The following RBFOX1 variants were observed in gnomAD, a reference collection of about 807,000 sequenced individuals.
The protein encoded by RBFOX1 is RNA binding protein fox-1 homolog 1.
A neutral mutation model predicts 57.7 loss-of-function variants in RBFOX1; 8 were observed. That is an observed-to-expected ratio of 0.14 (90% confidence interval 0.08 to 0.25). The LOEUF (loss-of-function observed/expected upper bound fraction) is 0.25, where lower values mean the gene tolerates loss of function less well. Ranked by LOEUF, RBFOX1 falls within the 10% of genes least tolerant of loss-of-function variation. The pLI is 1.00. For missense variants in RBFOX1, 611 were observed against 548.5 expected, an observed-to-expected ratio of 1.11 and a Z score of -1.14; for synonymous variants, 326 against 222.4, an observed-to-expected ratio of 1.47 and a Z score of -4.15.
intron 2 of RBFOX1, among the ~76,000 whole-genome samples, chr16:6,626,787 G>C (rs1012525024): frequency 1.3e-5 from 2 of 151,616 alleles, no homozygotes; most frequent in African/African-American, 4.8e-5. Flanking sequence ...AAATAAAATA[G>C]AAATAAAATA....
At chr16:6,296,924 A>G (rs932122235) in intron 1 of RBFOX1, among the ~76,000 whole-genome samples, 2 of 152,232 alleles carry the variant, frequency 1.3e-5, no homozygotes, top group East Asian at 1.9e-4. Flanking sequence ...TTAGGAAATT[A>G]AAGGAATAAA....
At chr16:6,188,723 A>G (rs2097123483) in intron 1 of RBFOX1, among the ~76,000 whole-genome samples, 1 of 152,210 alleles carries the variant, frequency 6.6e-6, no homozygotes, top group South Asian at 2.1e-4. Context: ...TGGAGGCGAA[A>G]AAATGGAACA....
At chr16:5,771,741 A>C (rs2053984971) in intron 3 of RBFOX1, among the ~76,000 whole-genome samples, 1 of 152,194 alleles carries the variant, frequency 6.6e-6, no homozygotes, top group African/African-American at 2.4e-5. Flanking sequence ...AGGCATGTGA[A>C]AATGTCCAAT....
At chr16:6,607,642 C>A (rs780762938) in intron 2 of RBFOX1, among the ~76,000 whole-genome samples, 30 of 151,940 alleles carry the variant, frequency 2.0e-4, no homozygotes, top group Non-Finnish European at 3.8e-4. Context: ...TATCTCTCCT[C>A]TCTCTTTCTG....
At chr16:6,502,418 A>T (rs533475731) in intron 2 of RBFOX1, among the ~76,000 whole-genome samples, 1 of 152,300 alleles carries the variant, frequency 6.6e-6, no homozygotes, top group South Asian at 2.1e-4. Context: ...CCATCACTAA[A>T]GACCTTGGGC....
chr16:6,763,472 C>G (rs544390317), intron 3 of RBFOX1, among the ~76,000 whole-genome samples: 1 of 152,170 alleles, frequency 6.6e-6, no homozygotes, highest in African/African-American at 2.4e-5. Context: ...ATTTCACAAG[C>G]GTAATGGCAG....
intron 3 of RBFOX1, among the ~76,000 whole-genome samples, chr16:5,858,187 G>A (rs184707912): frequency 6.6e-6 from 1 of 152,102 alleles, no homozygotes; most frequent in African/African-American, 2.4e-5. Flanking sequence ...GGGCTCTTTA[G>A]AAGGAAACTT....
chr16:6,674,961 A>AAG (rs2057368450), intron 3 of RBFOX1, among the ~76,000 whole-genome samples: 1 of 152,012 alleles, frequency 6.6e-6, no homozygotes, highest in South Asian at 2.1e-4. Flanking sequence ...GCTGGAGTGC[A>AAG]GTGGCATGAT....
rs879750583 is a variant in RBFOX1, at chr16:7,510,520, C to G, written c.28-7627C>G. Among the ~76,000 whole-genome samples the G allele has an allele frequency of 8.8e-3, 1,203 of 136,904 alleles. 10 individuals are homozygous for G. Among genetic ancestry groups the G allele is most frequent in the East Asian group, 0.045 (217 of 4,866 alleles). The allele number at this position is 136,904 out of a possible 152,430, so 89.8% of individuals were successfully genotyped here. ...GTGTGTGTGTGTGTGTGGGCGCGCG[C>G]GCACGCGCGCACGCGCGCTTTCTGC... On this transcript the variant is annotated intron_variant, in intron 4 of 15. Transcript: ENST00000550418.
At chr16:5,332,337 G>A (rs1307660798) in intron 1 of RBFOX1, among the ~76,000 whole-genome samples, 2 of 151,906 alleles carry the variant, frequency 1.3e-5, no homozygotes, top group East Asian at 1.9e-4. Flanking sequence ...GTGTGATCTC[G>A]ACTCATTGCA....
chr16:6,853,265 A>C (rs1180635745), intron 3 of RBFOX1, among the ~76,000 whole-genome samples: 1 of 152,132 alleles, frequency 6.6e-6, no homozygotes, highest in Non-Finnish European at 1.5e-5. Flanking sequence ...TGCCATATAA[A>C]TGTTGGCTGT....
At chr16:5,468,271 C>T (rs575166207) in intron 2 of RBFOX1, among the ~76,000 whole-genome samples, 1 of 152,184 alleles carries the variant, frequency 6.6e-6, no homozygotes, top group Non-Finnish European at 1.5e-5. Flanking sequence ...GTTGGGCAAT[C>T]ACTACCTCTC....
intron 4 of RBFOX1, among the ~76,000 whole-genome samples, chr16:7,498,544 A>T (rs1347991779): frequency 1.3e-5 from 2 of 152,232 alleles, no homozygotes; most frequent in African/African-American, 4.8e-5. Context: ...CCCAATATAT[A>T]ACCAAGCATA....
chr16:5,611,898 G>A (rs953032393), intron 3 of RBFOX1, among the ~76,000 whole-genome samples: 7 of 150,350 alleles, frequency 4.7e-5, no homozygotes, highest in Non-Finnish European at 8.8e-5. Context: ...AAGGCCAAGG[G>A]AGGAGGATCA....
At chr16:6,161,844 T>G (rs2096881730) in intron 1 of RBFOX1, among the ~76,000 whole-genome samples, 1 of 152,206 alleles carries the variant, frequency 6.6e-6, no homozygotes, top group Non-Finnish European at 1.5e-5. Flanking sequence ...TCTAGCCAGC[T>G]CCCTAATCAC....
At chr16:6,252,352 C>G (rs1198812213) in intron 1 of RBFOX1, among the ~76,000 whole-genome samples, 1 of 152,066 alleles carries the variant, frequency 6.6e-6, no homozygotes, top group African/African-American at 2.4e-5. Flanking sequence ...GAACCTGCAT[C>G]AGACCTTAGG....
chr16:7,242,272 C>T (rs534358035), intron 4 of RBFOX1, among the ~76,000 whole-genome samples: 12 of 152,190 alleles, frequency 7.9e-5, no homozygotes, highest in Admixed American at 5.9e-4. Flanking sequence ...GACAGGGTTG[C>T]ATGTAAATGT....
chr16:5,400,514 G>A (rs1265342241), intron 1 of RBFOX1, among the ~76,000 whole-genome samples: 2 of 152,014 alleles, frequency 1.3e-5, no homozygotes, highest in Non-Finnish European at 2.9e-5. Context: ...ATCATACCAT[G>A]TATCATTTCT....
intron 4 of RBFOX1, among the ~76,000 whole-genome samples, chr16:7,124,221 C>T (rs548057192): frequency 6.6e-6 from 1 of 152,150 alleles, no homozygotes; most frequent in South Asian, 2.1e-4. Context: ...ACTGCTTGAT[C>T]TCAGGAGTTG....
Sources: allele counts gnomAD v4.1 joint callset (sites outside exome capture counted in the v4.1 genomes callset), GRCh38; gene constraint gnomAD v4.1.1; transcripts MANE v1.5; gene names NCBI Gene and HGNC (gene_info 2026-07-23, HGNC 2026-07-21).